The following TCF4 variants were observed in gnomAD, a reference collection of about 807,000 sequenced individuals.
TCF4 encodes transcription factor 4, also known as SL3-3 enhancer factor 2.
A neutral mutation model predicts 82.1 loss-of-function variants in TCF4; 3 were observed. The observed-to-expected ratio is 0.04, with a 90% CI of 0.02 to 0.09. TCF4 has a LOEUF of 0.09. TCF4 is among the 10% of genes least tolerant of loss of function. The pLI, the probability that TCF4 is intolerant of heterozygous loss-of-function variation, is 1.00. For missense variants in TCF4, 518 were observed against 852.7 expected (o/e 0.61, Z 4.89); for synonymous variants, 276 against 309.6 (o/e 0.89, Z 1.14).
chr18:55,585,489 A>C, intron 2 of TCF4, 137 bp from the exon 3 acceptor site: 1 of 806,310 alleles, frequency 1.2e-6, no homozygotes, highest in Non-Finnish European at 2.0e-6. Context: ...ATCACCATCC[A>C]ACTTAAAACT....
intron 3 of TCF4, among the ~76,000 whole-genome samples, chr18:55,568,903 A>T (rs1239872612): frequency 1.3e-5 from 2 of 152,184 alleles, no homozygotes; most frequent in African/African-American, 2.4e-5. Context: ...TACATCATTA[A>T]TTTCATCCAC....
chr18:55,376,231 G>A (rs916866441), intron 6 of TCF4, among the ~76,000 whole-genome samples: 1 of 151,874 alleles, frequency 6.6e-6, no homozygotes, highest in African/African-American at 2.4e-5. Flanking sequence ...TCACCATGTT[G>A]CCCAGGCTGG....
intron 8 of TCF4, chr18:55,302,748 G>C: frequency 1.4e-6 from 1 of 728,030 alleles, no homozygotes; most frequent in Non-Finnish European, 2.1e-6. Flanking sequence ...CAAATGACCA[G>C]GCATGAGGCG....
intron 6 of TCF4, among the ~76,000 whole-genome samples, chr18:55,364,299 G>T (rs1237620511): frequency 2.0e-5 from 3 of 152,098 alleles, no homozygotes; most frequent in Non-Finnish European, 4.4e-5. Flanking sequence ...AGCCTAGCAG[G>T]AGTTTTATTA....
At chr18:55,233,034 T>C (rs2048338464) in intron 16 of TCF4, among the ~76,000 whole-genome samples, 1 of 152,250 alleles carries the variant, frequency 6.6e-6, no homozygotes, top group Admixed American at 6.5e-5. Flanking sequence ...ATGCAATGAT[T>C]TAATAGAAAA....
chr18:55,329,045 C>A (rs2077059068), intron 8 of TCF4, among the ~76,000 whole-genome samples: 1 of 152,076 alleles, frequency 6.6e-6, no homozygotes, highest in Admixed American at 6.6e-5. Context: ...CCACCTCTGA[C>A]AAACGGAATG....
chr18:55,312,063 A>AT (rs1397936543), intron 8 of TCF4, among the ~76,000 whole-genome samples: 1 of 152,218 alleles, frequency 6.6e-6, no homozygotes, highest in Non-Finnish European at 1.5e-5. Context: ...TTGGCAATGC[A>AT]TCTGTGAAGA....
intron 5 of TCF4, among the ~76,000 whole-genome samples, chr18:55,411,302 T>TA (rs745961266): frequency 2.0e-4 from 31 of 152,334 alleles, no homozygotes; most frequent in Admixed American, 1.4e-3. Flanking sequence ...TTTATGTGAA[T>TA]AACATCTTCA....
At chr18:55,525,066 C>T (rs1041032148) in intron 3 of TCF4, among the ~76,000 whole-genome samples, 1 of 152,106 alleles carries the variant, frequency 6.6e-6, no homozygotes, top group Admixed American at 6.6e-5. Context: ...ACCATATCCC[C>T]TTTCCCCCTC....
intron 6 of TCF4, among the ~76,000 whole-genome samples, chr18:55,397,310 T>A (rs2093557841): frequency 6.6e-6 from 1 of 152,164 alleles, no homozygotes. Context: ...ATTTTAAATT[T>A]GTAGGCAAAA....
chr18:55,320,174 C>A (rs1445074930), intron 8 of TCF4, among the ~76,000 whole-genome samples: 10 of 150,656 alleles, frequency 6.6e-5, no homozygotes, highest in African/African-American at 2.4e-4. Context: ...CTACCAATTG[C>A]AAATCATGTA....
chr18:55,622,872 T>C (rs1197773086), intron 2 of TCF4, among the ~76,000 whole-genome samples: 4 of 109,392 alleles, frequency 3.7e-5, no homozygotes, highest in African/African-American at 9.2e-5. Context: ...AAAAACTTCT[T>C]TCTCCACTCT....
intron 6 of TCF4, among the ~76,000 whole-genome samples, chr18:55,363,890 T>A (rs2086160370): frequency 1.3e-5 from 2 of 152,180 alleles, no homozygotes; most frequent in South Asian, 4.1e-4. Flanking sequence ...TTAACAAATA[T>A]TTAATGAGAA....
At chr18:55,369,713 T>TG (rs201381609) in intron 6 of TCF4, among the ~76,000 whole-genome samples, 4,069 of 152,206 alleles carry the variant, frequency 0.027, 201 homozygotes, top group African/African-American at 0.092. Context: ...AAAAAGTTGT[T>TG]GGGGGGCGCA....
rs143223161 is a variant in TCF4, at chr18:55,618,935, CCTTCTGCTAATTTTGGGCTTA to C, written c.286+12342_286+12362del. Among the ~76,000 whole-genome samples, 681 of 152,060 alleles carry C rather than the reference CCTTCTGCTAATTTTGGGCTTA, an allele frequency of 4.5e-3. 7 individuals carry two copies. Among genetic ancestry groups the C allele is most frequent in the African/African-American group, 0.016 (659 of 41,448 alleles). ...CTGGTCTAATCTTTAAGGTTTTCTT[CCTTCTGCTAATTTTGGGCTTA>C]GTTTGTTCTTTTTTTTTCTTGTAAT... is the stretch of plus-strand genomic sequence containing the variant. On this transcript the variant is annotated intron_variant, in intron 2 of 20. Transcript: ENST00000398339.
intron 3 of TCF4, among the ~76,000 whole-genome samples, chr18:55,518,565 G>T (rs1485611517): frequency 2.0e-5 from 3 of 152,106 alleles, no homozygotes; most frequent in Non-Finnish European, 4.4e-5. Flanking sequence ...ACAAAAGTAT[G>T]TAAGCACTGA....
chr18:55,262,846 G>C (rs2058328574), intron 11 of TCF4, among the ~76,000 whole-genome samples: 1 of 152,098 alleles, frequency 6.6e-6, no homozygotes, highest in African/African-American at 2.4e-5. Context: ...TTGTTCTGTT[G>C]CCCAGGCTGG....
At chr18:55,519,309 C>G (rs1295812375) in intron 3 of TCF4, among the ~76,000 whole-genome samples, 1 of 152,020 alleles carries the variant, frequency 6.6e-6, no homozygotes, top group African/African-American at 2.4e-5. Flanking sequence ...TGGCCCACAC[C>G]TGTATTCCCA....
intron 8 of TCF4, among the ~76,000 whole-genome samples, chr18:55,287,772 C>G (rs1054027818): frequency 3.9e-5 from 6 of 152,184 alleles, no homozygotes. Context: ...AAAACCCTGG[C>G]GTTCTTCATG....
Sources: allele counts gnomAD v4.1 joint callset (sites outside exome capture counted in the v4.1 genomes callset), GRCh38; gene constraint gnomAD v4.1.1; transcripts MANE v1.5; gene names NCBI Gene and HGNC (gene_info 2026-07-23, HGNC 2026-07-21).